SIGLEC9: variants seen among roughly 807,000 people sequenced by gnomAD.
SIGLEC9 encodes sialic acid-binding Ig-like lectin 9.
Under a neutral mutation model 38.3 loss-of-function variants are expected in SIGLEC9, and 26 were observed. The observed-to-expected ratio is 0.68, with a 90% CI of 0.50 to 0.94. The LOEUF (loss-of-function observed/expected upper bound fraction) is 0.94. Among genes scored for constraint, SIGLEC9 ranks in the 40% least tolerant of loss-of-function variants. SIGLEC9 has a pLI of 0.00. For synonymous variants in SIGLEC9, 236 were observed against 248.0 expected (o/e 0.95, Z 0.45); for missense variants, 556 against 585.7 (o/e 0.95, Z 0.52).
chr19:51,127,972 CA>C lies in SIGLEC9; in HGVS notation c.1040del (p.Gln347ArgfsTer23). 1 of 1,613,726 alleles carries C rather than the reference CA, an allele frequency of 6.2e-7. No individual in the cohort carries two copies. Among genetic ancestry groups the C allele is most frequent in the Non-Finnish European group, 8.5e-7 (1 of 1,179,650 alleles). ...AGGCAAAGCCACATCAGGAGTGACT[CA>C]GGGGGTGGTCGGGGGAGCTGGAGCC... is the stretch of plus-strand genomic sequence containing the variant. The part of the protein sequence containing the change: ...LQSKATSGVT[Q>X]GVVGGAGATA... On this transcript the variant is annotated frameshift_variant, in exon 5 of 7. Coordinates refer to ENST00000250360, the MANE Select transcript of SIGLEC9 (RefSeq NM_014441.3). LOFTEE classifies it high-confidence loss of function.
downstream of SIGLEC9, among the ~76,000 whole-genome samples, chr19:51,132,692 C>T (rs149511648): frequency 6.6e-6 from 1 of 152,298 alleles, no homozygotes; most frequent in East Asian, 1.9e-4. Flanking sequence ...TCATTCTTGG[C>T]GTTCACTGCA....
At chr19:51,121,942 T>C (rs200657), upstream of SIGLEC9, among the ~76,000 whole-genome samples, 21,736 of 151,300 alleles carry the variant, frequency 0.14, 5,280 homozygotes, top group African/African-American at 0.5. Flanking sequence ...CATCTTCCCT[T>C]CATGCTGTGC....
chr19:51,128,038 G>A lies in SIGLEC9; in HGVS notation c.1105G>A (p.Val369Ile). The A allele has an allele frequency of 6.2e-7, 1 of 1,612,074 alleles. No individual in the cohort carries two copies. The highest frequency in any genetic ancestry group is 2.2e-5 in the East Asian group (1 of 44,870). Residue 369 changes from valine (V) to isoleucine (I), a missense_variant and splice_region_variant, in exon 5 of 7, where the codon GTA (valine) becomes ATA (isoleucine). Val to Ile is a conservative substitution (Grantham distance 29). Coordinates refer to ENST00000250360, the MANE Select transcript of SIGLEC9 (RefSeq NM_014441.3). ...VFLSFCVIFV[V>I]VRSCRKKSAR... ...CCTGTCCTTCTGCGTCATCTTCGTT[G>A]TGTAAGCATGGACCCTAGAGAGGGA...
chr19:51,131,593 AT>A (rs1367726580), downstream of SIGLEC9, among the ~76,000 whole-genome samples: 28 of 143,806 alleles, frequency 1.9e-4, no homozygotes, highest in African/African-American at 6.1e-4. Context: ...CTCAAAAAAA[AT>A]AAATAAATAA....
Position 51,129,946 on chromosome 19 carries a change from C to A in SIGLEC9, c.1259C>A (p.Ala420Asp). ...AGTCCCCCAGACCAGCCTCCCCCAG[C>A]TTCTGCCCGCTCCTCAGTGGGGGAA... Reference protein sequence around the residue: ...EDSPPDQPPPASARSSVGEGE... With the variant: ...EDSPPDQPPPDSARSSVGEGE... Residue 420 changes from alanine to aspartate, a missense_variant, in exon 7 of 7, where the codon GCT (alanine) becomes GAT (aspartate). Ala to Asp is a moderately radical substitution (Grantham distance 126). Transcript: ENST00000250360. The A allele has an allele frequency of 6.2e-7, 1 of 1,613,296 alleles. No homozygotes were observed. The highest frequency in any genetic ancestry group is 8.5e-7 in the Non-Finnish European group (1 of 1,179,596).
In SIGLEC9 at chr19:51,125,818, G is replaced by A. The variant is rs750378417; in HGVS notation, c.643G>A (p.Val215Met). 1.9e-6 allele frequency: 3 copies of A among 1,614,166 alleles called. No individual in the cohort carries two copies. Among genetic ancestry groups the A allele is most frequent in the Non-Finnish European group, 1.7e-6 (2 of 1,180,030 alleles). The change falls in exon 2 of 7, where the codon GTG becomes ATG. Residue 215 changes from valine (V) to methionine (M), a missense_variant. Coordinates refer to ENST00000250360, the MANE Select transcript of SIGLEC9 (RefSeq NM_014441.3). ...CCATGGCACCAGCCTCACCTGTCAG[G>A]TGACCTTCCCTGGGGCCAGCGTGAC... ...QDHGTSLTCQ[V>M]TFPGASVTTN...
chr19:51,130,095 C>T lies in SIGLEC9; in HGVS notation c.*16C>T. ...CCACAGATGAGAAACTGCAGAGACT[C>T]ACCCTGATTGAGGGATCACAGCCCC... On this transcript the variant is annotated 3_prime_UTR_variant, in exon 7 of 7. Coordinates refer to ENST00000250360, the MANE Select transcript of SIGLEC9 (RefSeq NM_014441.3). 6.3e-7 allele frequency: 1 copy of T among 1,592,946 alleles called. No homozygotes were observed. The highest frequency in any genetic ancestry group is 8.6e-7 in the Non-Finnish European group (1 of 1,168,166).
chr19:51,129,376 G>A lies in SIGLEC9; in HGVS notation c.1204-515G>A, dbSNP rs563768891. Among the ~76,000 whole-genome samples the A allele has an allele frequency of 7.9e-5, 12 of 151,902 alleles. No individual in the cohort carries two copies. In the South Asian group the frequency reaches 1.5e-3, roughly 18 times the overall value. ...GGGTTTCACTGTGTTAGCCAGGATG[G>A]TCTCAGTCTCCTGACCTTGTGATCT... On this transcript the variant is annotated intron_variant, in intron 6 of 6. Transcript: ENST00000250360.
At chr19:51,135,604 G>A (rs1242474745) in intron 6 of SIGLEC9, among the ~76,000 whole-genome samples, 1 of 152,086 alleles carries the variant, frequency 6.6e-6, no homozygotes, top group Non-Finnish European at 1.5e-5. Context: ...TGAATTTCCT[G>A]AATTTATATG....
In SIGLEC9 at chr19:51,124,938, A is replaced by C. The variant is rs751510512; in HGVS notation, c.-37A>C. 1.6e-5 allele frequency: 25 copies of C among 1,571,872 alleles called. No individual in the cohort carries two copies. Among genetic ancestry groups the C allele is most frequent in the Non-Finnish European group, 1.6e-5 (18 of 1,158,828 alleles). On this transcript the variant is annotated 5_prime_UTR_variant, in exon 1 of 7. Coordinates refer to ENST00000250360, the MANE Select transcript of SIGLEC9 (RefSeq NM_014441.3). ...CTGAGAGAAGAACCCTGAGGAACAG[A>C]CGTTCCCTCGCGGCCCTGGCACCTC... is the stretch of plus-strand genomic sequence containing the variant.
At chr19:51,127,749 A>C (rs544331939) in intron 4 of SIGLEC9, among the ~76,000 whole-genome samples, 200 bp from the exon 5 acceptor site, 1 of 152,114 alleles carries the variant, frequency 6.6e-6, no homozygotes. Context: ...GTGAAAAAAA[A>C]CCCCAAAAGG....
chr19:51,130,322 C>G (rs1335595205), downstream of SIGLEC9: 2 of 617,298 alleles, frequency 3.2e-6, no homozygotes, highest in Non-Finnish European at 4.6e-6. Flanking sequence ...CTCTCTGTAC[C>G]TTGGTTTCCT....
At chr19:51,120,414 C>T (rs964933388), upstream of SIGLEC9, 1 of 152,220 alleles carries the variant, frequency 6.6e-6, no homozygotes, top group African/African-American at 2.4e-5. The surrounding 1 kb of genome is among the most constrained non-coding windows in gnomAD (Gnocchi z 4.1). Flanking sequence ...TGGGGTGGGG[C>T]TCTGGCACAG....
chr19:51,130,302 A>G lies in SIGLEC9; in HGVS notation c.*223A>G. 1.2e-6 allele frequency: 1 copy of G among 836,386 alleles called. No individual in the cohort carries two copies. Among genetic ancestry groups the G allele is most frequent in the African/African-American group, 1.8e-5 (1 of 56,838 alleles). The allele number at this position is 836,386 out of a possible 1,614,324, so 51.8% of individuals were successfully genotyped here. ...TTATTTTTTTAACTAAAAGACAGACAAATTCCTACCTCTCTGTACCTTGGT... is the reference window on the plus strand; with the variant it reads ...TTATTTTTTTAACTAAAAGACAGACGAATTCCTACCTCTCTGTACCTTGGT... On this transcript the variant is annotated 3_prime_UTR_variant, in exon 7 of 7. Coordinates refer to ENST00000250360, the MANE Select transcript of SIGLEC9 (RefSeq NM_014441.3).
chr19:51,126,927 AGTCTAT>A, intron 3 of SIGLEC9, 97 bp from the exon 4 acceptor site: 2 of 1,006,136 alleles, frequency 2.0e-6, no homozygotes, highest in South Asian at 3.1e-5. Context: ...CCAGAACTTC[AGTCTAT>A]GTCTGTGTGT....
At chr19:51,133,721 G>A (rs185257276), downstream of SIGLEC9, among the ~76,000 whole-genome samples, 370 of 152,268 alleles carry the variant, frequency 2.4e-3, 2 homozygotes, top group African/African-American at 8.5e-3. Context: ...AGTAAAAGCG[G>A]AGACTATAAT....
chr19:51,129,252 G>A (rs1459911518), intron 6 of SIGLEC9, among the ~76,000 whole-genome samples: 2 of 150,982 alleles, frequency 1.3e-5, no homozygotes, highest in South Asian at 2.1e-4. Flanking sequence ...TCCACCTTCC[G>A]GGTTCAAGCC....
intron 4 of SIGLEC9, 26 bp downstream of exon 4, chr19:51,127,322 G>A (rs2091985726): frequency 1.9e-6 from 3 of 1,581,424 alleles, no homozygotes; most frequent in African/African-American, 2.7e-5. Context: ...TGCTGGGGAG[G>A]GGCTGGAGAG....
chr19:51,123,217 G>A (rs888548540), upstream of SIGLEC9, among the ~76,000 whole-genome samples: 5 of 152,284 alleles, frequency 3.3e-5, no homozygotes, highest in African/African-American at 1.2e-4. Context: ...AGGTGAGCAG[G>A]CCTGCTCTTT....
Sources: allele counts gnomAD v4.1 joint callset (sites outside exome capture counted in the v4.1 genomes callset), GRCh38; gene constraint gnomAD v4.1.1; non-coding constraint Gnocchi (gnomAD v3.1); transcripts MANE v1.5; gene names NCBI Gene and HGNC (gene_info 2026-07-23, HGNC 2026-07-21).